Variants in SPATA17 observed in about 807,000 individuals in gnomAD.
The protein encoded by SPATA17 is spermatogenesis associated 17, also known as spermatogenesis-associated protein 17.
A neutral mutation model predicts 62.2 loss-of-function variants in SPATA17; 53 were observed. The ratio of observed to expected loss-of-function variants is 0.85; its 90% CI spans 0.68 to 1.07. The LOEUF (loss-of-function observed/expected upper bound fraction) is 1.07, where lower values mean the gene tolerates loss of function less well. SPATA17 is among the 50% of genes least tolerant of loss of function. The probability of loss-of-function intolerance (pLI) is 0.00; values close to 1 mark genes in which losing one functional copy is unlikely to be tolerated. For synonymous variants in SPATA17, 146 were observed against 146.8 expected, an observed-to-expected ratio of 0.99 and a Z score of 0.04; for missense variants, 466 against 425.5, an observed-to-expected ratio of 1.10 and a Z score of -0.84.
intron 1 of SPATA17, among the ~76,000 whole-genome samples, chr1:217,635,768 TA>T (rs35802761): frequency 0.24 from 35,948 of 151,800 alleles, 4,398 homozygotes; most frequent in Middle Eastern, 0.29. Flanking sequence ...TGGGTTATGA[TA>T]ACGGGATTGG....
intron 3 of SPATA17, among the ~76,000 whole-genome samples, chr1:217,657,983 A>G (rs569863912): frequency 1.3e-5 from 2 of 152,118 alleles, no homozygotes; most frequent in Non-Finnish European, 2.9e-5. Flanking sequence ...CCCCTATAAA[A>G]CCATCAGATC....
chr1:217,647,974 T>G (rs1054116287), intron 1 of SPATA17, among the ~76,000 whole-genome samples: 1 of 152,078 alleles, frequency 6.6e-6, no homozygotes, highest in Non-Finnish European at 1.5e-5. Context: ...CCGCCCACCT[T>G]GGCCTCCGAG....
At chr1:217,649,003 A>G (rs1333531338) in intron 2 of SPATA17, 32 bp downstream of exon 2, 7 of 1,417,848 alleles carry the variant, frequency 4.9e-6, no homozygotes, top group African/African-American at 4.3e-5. Context: ...AACCTCAGAT[A>G]TATCATAAAA....
chr1:217,800,201 C>T (rs1012653175), intron 8 of SPATA17, among the ~76,000 whole-genome samples: 2 of 152,084 alleles, frequency 1.3e-5, no homozygotes, highest in Non-Finnish European at 2.9e-5. Context: ...AGATTAGAAA[C>T]TCTATGGGTG....
chr1:217,685,418 A>G (rs1671194547), intron 5 of SPATA17, among the ~76,000 whole-genome samples: 3 of 152,220 alleles, frequency 2.0e-5, no homozygotes, highest in African/African-American at 7.2e-5. Context: ...ATCTCTAGTC[A>G]GTAGAGAGTC....
intron 5 of SPATA17, among the ~76,000 whole-genome samples, chr1:217,733,248 C>T (rs1190715369): frequency 1.3e-5 from 2 of 152,250 alleles, no homozygotes; most frequent in South Asian, 2.1e-4. Flanking sequence ...TCTTAGAGAG[C>T]CCATTTATGT....
chr1:217,727,304 A>G (rs1672289164), intron 5 of SPATA17, among the ~76,000 whole-genome samples: 1 of 149,904 alleles, frequency 6.7e-6, no homozygotes, highest in Admixed American at 6.7e-5. Flanking sequence ...AAAAACTGTT[A>G]TTCTTATACA....
intron 8 of SPATA17, among the ~76,000 whole-genome samples, chr1:217,792,755 G>T (rs967903317): frequency 6.6e-6 from 1 of 152,056 alleles, no homozygotes; most frequent in Non-Finnish European, 1.5e-5. Context: ...TCTCGGGGAG[G>T]GGTGTCCCAT....
At chr1:217,773,259 T>A (rs1397273086) in intron 6 of SPATA17, among the ~76,000 whole-genome samples, 1 of 152,180 alleles carries the variant, frequency 6.6e-6, no homozygotes, top group Non-Finnish European at 1.5e-5. Context: ...TTTATAGATA[T>A]GTTGATGGCA....
intron 7 of SPATA17, among the ~76,000 whole-genome samples, chr1:217,776,215 G>A (rs1263282935): frequency 1.3e-5 from 2 of 152,076 alleles, no homozygotes; most frequent in East Asian, 1.9e-4. Flanking sequence ...GGGTAGAGTG[G>A]GGTGGGGTGA....
At chr1:217,845,177 G>A (rs1675495281) in intron 9 of SPATA17, among the ~76,000 whole-genome samples, 1 of 152,022 alleles carries the variant, frequency 6.6e-6, no homozygotes, top group South Asian at 2.1e-4. Flanking sequence ...TTAGGTTCCT[G>A]CAGAGGATGA....
chr1:217,740,538 C>A (rs1672605108), intron 5 of SPATA17, among the ~76,000 whole-genome samples: 1 of 152,110 alleles, frequency 6.6e-6, no homozygotes, highest in Admixed American at 6.5e-5. Flanking sequence ...AAAATGGACA[C>A]AGTTAATGAG....
Position 217,867,735 on chromosome 1 carries a change from G to T in SPATA17, c.*716G>T, listed in dbSNP as rs950313997. 2 of 152,124 alleles carry T rather than the reference G, an allele frequency of 1.3e-5. No individual in the cohort carries two copies. The highest frequency in any genetic ancestry group is 2.9e-5 in the Non-Finnish European group (2 of 68,034). 9.4% of individuals were successfully genotyped at this position (152,124 alleles called of 1,614,324 possible). ...TGCTTAGATTTTCCTGGAATCCTTG[G>T]AAGTTAACTCAACATTTGAGGTTCC... On this transcript the variant is annotated 3_prime_UTR_variant, in exon 11 of 11. Coordinates refer to ENST00000366933, the MANE Select transcript of SPATA17 (RefSeq NM_138796.4).
At chr1:217,809,932 C>A (rs1316202907) in intron 9 of SPATA17, among the ~76,000 whole-genome samples, 4 of 152,184 alleles carry the variant, frequency 2.6e-5, no homozygotes, top group Admixed American at 6.5e-5. Context: ...GTAATGTGAT[C>A]TGTATCCCAT....
chr1:217,703,161 C>CTGGCAT (rs1366879943), intron 5 of SPATA17, among the ~76,000 whole-genome samples: 1 of 131,538 alleles, frequency 7.6e-6, no homozygotes, highest in Middle Eastern at 4.2e-3. Context: ...AGGCGTGAGC[C>CTGGCAT]ATTGCGCTCG....
chr1:217,672,266 C>G (rs1291220727), intron 4 of SPATA17, among the ~76,000 whole-genome samples: 9 of 152,132 alleles, frequency 5.9e-5, no homozygotes. Context: ...CATAAGCTAC[C>G]TGGTAACTTA....
chr1:217,783,167 CATA>C (rs1361469883), intron 8 of SPATA17, among the ~76,000 whole-genome samples: 3 of 150,202 alleles, frequency 2.0e-5, no homozygotes. Context: ...CTAATTGTTA[CATA>C]ATAATTTATA....
intron 5 of SPATA17, among the ~76,000 whole-genome samples, chr1:217,738,459 T>C (rs549692632): frequency 6.6e-4 from 100 of 152,340 alleles, no homozygotes; most frequent in Middle Eastern, 6.8e-3. Context: ...TAGCTAACAC[T>C]TACATAGCGC....
At chr1:217,848,098 G>A (rs1460969016) in intron 9 of SPATA17, among the ~76,000 whole-genome samples, 1 of 151,988 alleles carries the variant, frequency 6.6e-6, no homozygotes, top group African/African-American at 2.4e-5. Context: ...CAAGTAGAAA[G>A]GAAATATAAT....
Sources: gnomAD v4.1 joint callset for allele counts (sites outside exome capture counted in the v4.1 genomes callset) on GRCh38, gnomAD v4.1.1 for gene constraint, MANE v1.5 for transcripts, NCBI Gene and HGNC (gene_info 2026-07-23, HGNC 2026-07-21) for gene names.